Variants in SLC38A8 observed in about 807,000 individuals in gnomAD.
The protein encoded by SLC38A8 is solute carrier family 38 member 8.
Under a neutral mutation model 46.0 loss-of-function variants are expected in SLC38A8, and 65 were observed. That is an observed-to-expected ratio of 1.41 (90% CI 1.16 to 1.74). SLC38A8 has a LOEUF of 1.74. Ranked by LOEUF, SLC38A8 falls within the 40% of genes most tolerant of loss-of-function variation. The pLI is 0.00. For synonymous variants in SLC38A8, 447 were observed against 243.7 expected (o/e 1.83, Z -7.77); for missense variants, 998 against 567.9 (o/e 1.76, Z -7.70).
intron 3 of SLC38A8, among the ~76,000 whole-genome samples, chr16:84,033,815 G>A (rs1202840493): frequency 6.6e-6 from 1 of 152,178 alleles, no homozygotes; most frequent in Admixed American, 6.5e-5. Flanking sequence ...AATAGTATCT[G>A]GAGTCAAATG....
rs1257010761 is a variant in SLC38A8, at chr16:84,009,849, A to C, written c.1243T>G (p.Ser415Ala). The change falls in exon 11 of 11, where the codon TCT becomes GCT. Residue 415 changes from serine to alanine, a missense_variant. Ser to Ala is a moderately conservative substitution (Grantham distance 99). Transcript: ENST00000299709. ...AAGATGAAGGTGCCGACCAGCACAGAGACCACTCCCCAGACCTCCAGGCAG... is the reference window on the plus strand; with the variant it reads ...AAGATGAAGGTGCCGACCAGCACAGCGACCACTCCCCAGACCTCCAGGCAG... ...KCCLEVWGVVSVLVGTFIFGQ... is the reference protein window; with the variant it reads ...KCCLEVWGVVAVLVGTFIFGQ... 2 of 1,614,150 alleles carry C rather than the reference A, an allele frequency of 1.2e-6. No individual in the cohort carries two copies. The highest frequency in any genetic ancestry group is 1.7e-5 in the Admixed American group (1 of 59,996).
rs1238890169 is a variant in SLC38A8, at chr16:84,028,695, C to A, written c.690+799G>T. Among the ~76,000 whole-genome samples, 3 of 151,016 alleles carry A rather than the reference C, an allele frequency of 2.0e-5. 1 individual carries two copies. The highest frequency in any genetic ancestry group is 4.9e-5 in the African/African-American group (2 of 41,172). ...AGGCCCGCCACCTCCCCTGCCCCCC[C>A]TGCCCCGCCACCTTCCCCCCAGCGC... On this transcript the variant is annotated intron_variant, in intron 6 of 10. Coordinates refer to ENST00000299709, the MANE Select transcript of SLC38A8 (RefSeq NM_001080442.3).
chr16:84,043,081 C>A (rs1427753138), upstream of SLC38A8, among the ~76,000 whole-genome samples: 1 of 152,206 alleles, frequency 6.6e-6, no homozygotes, highest in Non-Finnish European at 1.5e-5. Context: ...CTCCACCGTC[C>A]GCAGGTGCTG....
chr16:84,043,018 C>T (rs1383007854), upstream of SLC38A8, among the ~76,000 whole-genome samples: 4 of 152,146 alleles, frequency 2.6e-5, no homozygotes, highest in African/African-American at 4.8e-5. Flanking sequence ...CCCAGCCCAA[C>T]GGAGGGGGCG....
intron 2 of SLC38A8, 36 bp from the exon 3 acceptor site, chr16:84,036,936 G>GGCCCCCC: frequency 6.4e-7 from 1 of 1,557,256 alleles, no homozygotes. Flanking sequence ...ACTGGGGTGT[G>GGCCCCCC]CCCACAGCCC....
At chr16:84,031,829 CCCG>C (rs773469292) in intron 5 of SLC38A8, 35 bp downstream of exon 5, 2 of 1,583,782 alleles carry the variant, frequency 1.3e-6, no homozygotes, top group South Asian at 2.2e-5. Context: ...GCCGTGCCTC[CCCG>C]CCGAGGCTGC....
At chr16:84,026,289 G>T (rs2085163876) in intron 6 of SLC38A8, among the ~76,000 whole-genome samples, 1 of 152,202 alleles carries the variant, frequency 6.6e-6, no homozygotes, top group Non-Finnish European at 1.5e-5. Context: ...GAGTACAGTT[G>T]CATGATCTTG....
chr16:84,015,002 T>G (rs999052071), intron 9 of SLC38A8, among the ~76,000 whole-genome samples: 2 of 152,204 alleles, frequency 1.3e-5, no homozygotes, highest in African/African-American at 4.8e-5. Flanking sequence ...TGCTTTCTGT[T>G]AAGTTTCACC....
At chr16:84,018,698 C>G (rs1009672916) in intron 7 of SLC38A8, among the ~76,000 whole-genome samples, 5 of 152,268 alleles carry the variant, frequency 3.3e-5, no homozygotes, top group African/African-American at 1.2e-4. Context: ...GCCTACGGAT[C>G]TTATTAATTT....
chr16:84,012,979 AC>A, intron 10 of SLC38A8, 21 bp downstream of exon 10: 1 of 1,613,754 alleles, frequency 6.2e-7, no homozygotes, highest in Non-Finnish European at 8.5e-7. Context: ...CCAGGGTGCC[AC>A]CTCATCTTAG....
At chr16:84,012,958 C>T (rs373981480) in intron 10 of SLC38A8, 43 bp downstream of exon 10, 1 of 1,604,296 alleles carries the variant, frequency 6.2e-7, no homozygotes, top group Admixed American at 1.7e-5. Flanking sequence ...TTACTCTGAT[C>T]CGGGGCACAC....
chr16:84,009,934 A>C, intron 10 of SLC38A8, 57 bp from the exon 11 acceptor site: 1 of 1,488,212 alleles, frequency 6.7e-7, no homozygotes, highest in Non-Finnish European at 9.2e-7. Context: ...CAAATAAGCC[A>C]CACACACATA....
intron 7 of SLC38A8, among the ~76,000 whole-genome samples, chr16:84,022,354 G>A (rs751259942): frequency 3.0e-4 from 45 of 152,168 alleles, no homozygotes; most frequent in Non-Finnish European, 4.9e-4. Context: ...AAGACCCTCT[G>A]CCTCCCACAC....
intron 1 of SLC38A8, 89 bp downstream of exon 1, chr16:84,042,462 C>T (rs928485638): frequency 5.0e-5 from 14 of 282,816 alleles, no homozygotes; most frequent in Admixed American, 1.9e-4. Context: ...TCCTCATCCC[C>T]ATCAATCCTC....
At chr16:84,037,378 G>A (rs2326161) in intron 2 of SLC38A8, among the ~76,000 whole-genome samples, 36,525 of 152,072 alleles carry the variant, frequency 0.24, 4,447 homozygotes, top group South Asian at 0.27. Flanking sequence ...AAATGGGGGC[G>A]GCACCGCCCC....
intron 6 of SLC38A8, among the ~76,000 whole-genome samples, chr16:84,027,532 G>T (rs1039365600): frequency 6.6e-6 from 1 of 152,208 alleles, no homozygotes; most frequent in Admixed American, 6.5e-5. Flanking sequence ...CTGTGTTTGA[G>T]TCAGGTCAGA....
intron 6 of SLC38A8, among the ~76,000 whole-genome samples, chr16:84,028,530 C>A (rs891514616): frequency 1.3e-5 from 2 of 150,958 alleles, no homozygotes; most frequent in South Asian, 4.2e-4. Context: ...CCACTACACT[C>A]CAGCCTGGGC....
Position 84,016,738 on chromosome 16 carries a change from C to G in SLC38A8, c.954-11G>C, listed in dbSNP as rs776440806. On this transcript the variant is annotated splice_polypyrimidine_tract_variant and intron_variant, in intron 8 of 10. Transcript: ENST00000299709. ...TCCTGCATCACTGACCTGGAGGCCA[C>G]AGCCAACACAGACACATGGGCATCT... 1 of 1,608,732 alleles carries G rather than the reference C, an allele frequency of 6.2e-7. No homozygotes were observed. The highest frequency in any genetic ancestry group is 1.3e-5 in the African/African-American group (1 of 74,812).
At position 84,031,981 on chromosome 16, in the gene SLC38A8, C is replaced by A. The variant is rs11865628; in HGVS notation, c.531-13G>T. ...AGTGCCTAGGATGCTAACACAGTGA[C>A]CGTGTGAGGGGCTGCGCAGTGGGTG... On this transcript the variant is annotated splice_polypyrimidine_tract_variant and intron_variant, in intron 4 of 10. Coordinates refer to ENST00000299709, the MANE Select transcript of SLC38A8 (RefSeq NM_001080442.3). The A allele has an allele frequency of 5.6e-6, 9 of 1,611,980 alleles. No homozygotes were observed. The highest frequency in any genetic ancestry group is 7.6e-6 in the Non-Finnish European group (9 of 1,178,306).
Sources: gnomAD v4.1 joint callset for allele counts (sites outside exome capture counted in the v4.1 genomes callset) on GRCh38, gnomAD v4.1.1 for gene constraint, MANE v1.5 for transcripts, NCBI Gene and HGNC (gene_info 2026-07-23, HGNC 2026-07-21) for gene names.